Variants in DNAH5 observed in about 807,000 individuals in gnomAD.
DNAH5 encodes axonemal beta dynein heavy chain 5.
In DNAH5, 372 loss-of-function variants were observed where a neutral mutation model predicts 518.2. That is an observed-to-expected ratio of 0.72 (90% CI 0.66 to 0.78). DNAH5 has a LOEUF of 0.78. Ranked by LOEUF, DNAH5 falls within the 30% of genes least tolerant of loss-of-function variation. DNAH5 has a pLI of 0.00. For missense variants in DNAH5, 5,523 were observed against 5,687.0 expected, an observed-to-expected ratio of 0.97 and a Z score of 0.93; for synonymous variants, 2,039 against 2,025.9, an observed-to-expected ratio of 1.01 and a Z score of -0.17.
chr5:13,980,894 G>GCTTA (rs1251752711), intron 1 of DNAH5, among the ~76,000 whole-genome samples: 30 of 152,184 alleles, frequency 2.0e-4, no homozygotes, highest in Non-Finnish European at 4.1e-4. Context: ...TTAGGCCACA[G>GCTTA]GACCTTTGCA....
intron 47 of DNAH5, among the ~76,000 whole-genome samples, chr5:13,804,199 C>G (rs2126976103): frequency 6.6e-6 from 1 of 152,274 alleles, no homozygotes; most frequent in Non-Finnish European, 1.5e-5. Context: ...TTTGTCCAAA[C>G]TTTTGATAGT....
At chr5:13,939,111 A>T (rs1208993656) in intron 1 of DNAH5, among the ~76,000 whole-genome samples, 1 of 152,214 alleles carries the variant, frequency 6.6e-6, no homozygotes, top group Non-Finnish European at 1.5e-5. Flanking sequence ...CAGGAGTACC[A>T]GCTTTACAGG....
chr5:13,906,445 T>A (rs1183252123), intron 12 of DNAH5, among the ~76,000 whole-genome samples: 3 of 152,164 alleles, frequency 2.0e-5, no homozygotes, highest in Admixed American at 6.5e-5. Context: ...TTTTAAAAAA[T>A]ATTTAATGAG....
intron 11 of DNAH5, among the ~76,000 whole-genome samples, chr5:13,912,402 A>G (rs1041484774): frequency 6.6e-6 from 1 of 151,964 alleles, no homozygotes; most frequent in Admixed American, 6.6e-5. Context: ...TTCTATTTAG[A>G]AATTGTGTGT....
intron 1 of DNAH5, among the ~76,000 whole-genome samples, chr5:13,941,751 A>G (rs2152025757): frequency 6.6e-6 from 1 of 152,328 alleles, no homozygotes; most frequent in Middle Eastern, 3.4e-3. Flanking sequence ...GCAATCTGAA[A>G]GTTCATGAGC....
intron 1 of DNAH5, among the ~76,000 whole-genome samples, chr5:13,975,634 T>C (rs889379025): frequency 1.3e-5 from 2 of 152,216 alleles, no homozygotes; most frequent in Admixed American, 1.3e-4. Flanking sequence ...TACCAGTACA[T>C]ATCTGATGAA....
intron 65 of DNAH5, among the ~76,000 whole-genome samples, chr5:13,745,790 T>C (rs558850131): frequency 2.0e-5 from 3 of 152,086 alleles, no homozygotes; most frequent in Non-Finnish European, 4.4e-5. Context: ...ATCCTATCCC[T>C]TCCTGTGTGT....
intron 38 of DNAH5, among the ~76,000 whole-genome samples, chr5:13,828,124 TG>T (rs1372664551): frequency 2.0e-5 from 3 of 152,164 alleles, no homozygotes; most frequent in Non-Finnish European, 4.4e-5. Flanking sequence ...CCAAGAATGT[TG>T]GGAGACAAAA....
chr5:13,946,197 C>A (rs994125380), upstream of DNAH5, among the ~76,000 whole-genome samples: 14 of 152,338 alleles, frequency 9.2e-5, no homozygotes, highest in African/African-American at 3.4e-4. Context: ...ATTTTAGGCA[C>A]CATCCTCATT....
intron 47 of DNAH5, among the ~76,000 whole-genome samples, chr5:13,799,839 T>TTA (rs1758458387): frequency 6.6e-6 from 1 of 152,190 alleles, no homozygotes; most frequent in Admixed American, 6.5e-5. Flanking sequence ...TATATACACT[T>TTA]TATATATATA....
At chr5:13,984,881 G>A (rs1188356921) in intron 1 of DNAH5, among the ~76,000 whole-genome samples, 3 of 152,160 alleles carry the variant, frequency 2.0e-5, no homozygotes, top group African/African-American at 7.2e-5. Context: ...AATTCCTCAG[G>A]GATCTAGAAC....
intron 29 of DNAH5, among the ~76,000 whole-genome samples, chr5:13,861,425 CAT>C (rs1342947667): frequency 1.3e-5 from 2 of 152,110 alleles, no homozygotes; most frequent in Non-Finnish European, 1.5e-5. Context: ...TATTGATACA[CAT>C]ATATATGGAG....
intron 1 of DNAH5, among the ~76,000 whole-genome samples, chr5:13,997,584 C>T (rs1401223925): frequency 2.0e-5 from 3 of 152,216 alleles, no homozygotes; most frequent in African/African-American, 4.8e-5. Context: ...GCTTTCTCTA[C>T]AGCTCTCCTC....
intron 12 of DNAH5, among the ~76,000 whole-genome samples, chr5:13,905,984 A>G (rs1424783738): frequency 6.6e-6 from 1 of 152,250 alleles, no homozygotes; most frequent in Admixed American, 6.5e-5. Context: ...AGGCATGAAG[A>G]AAATATAAAC....
chr5:13,714,207 T>C (rs945307667), intron 75 of DNAH5, among the ~76,000 whole-genome samples, 198 bp downstream of exon 75: 9 of 152,236 alleles, frequency 5.9e-5, no homozygotes, highest in Admixed American at 2.6e-4. Flanking sequence ...GGTTTCCTTA[T>C]GGTTTATATA....
intron 1 of DNAH5, among the ~76,000 whole-genome samples, chr5:13,939,553 T>C (rs902704487): frequency 1.3e-5 from 2 of 152,098 alleles, no homozygotes; most frequent in Admixed American, 6.6e-5. Flanking sequence ...GCCTCCCTCT[T>C]TGTCTTCCAG....
At chr5:13,817,489 C>G in intron 42 of DNAH5, 59 bp downstream of exon 42, 10 of 1,536,190 alleles carry the variant, frequency 6.5e-6, no homozygotes, top group Non-Finnish European at 9.0e-6. Context: ...TTCTGTATAG[C>G]CTCCAAGGAT....
At position 13,780,815 on chromosome 5, in the gene DNAH5, T is replaced by C. The variant is rs759088047; in HGVS notation, c.8951+14A>G. 19 of 1,613,048 alleles carry C rather than the reference T, an allele frequency of 1.2e-5. No homozygotes were observed. The highest frequency in any genetic ancestry group is 1.7e-6 in the Non-Finnish European group (2 of 1,179,422). On this transcript the variant is annotated intron_variant, in intron 53 of 78. Coordinates refer to ENST00000265104, the MANE Select transcript of DNAH5 (RefSeq NM_001369.3). ...AAAATCCATGTTAGGTTTGTTAAAG[T>C]AAAAGGTTGTCACCTCGTCAGAGTG...
chr5:13,803,863 T>C (rs2126973995), intron 47 of DNAH5, among the ~76,000 whole-genome samples: 2 of 152,220 alleles, frequency 1.3e-5, no homozygotes, highest in South Asian at 4.1e-4. Context: ...GGAAAAGTGG[T>C]TCTGGGTCCA....
Sources: gnomAD v4.1 joint callset for allele counts (sites outside exome capture counted in the v4.1 genomes callset) on GRCh38, gnomAD v4.1.1 for gene constraint, MANE v1.5 for transcripts, NCBI Gene and HGNC (gene_info 2026-07-23, HGNC 2026-07-21) for gene names.